RIT2: variants seen among roughly 807,000 people sequenced by gnomAD.
The protein encoded by RIT2 is GTP-binding protein Rit2.
In RIT2, 24 loss-of-function variants were observed where a neutral mutation model predicts 23.7. The observed-to-expected ratio is 1.01, with a 90% CI of 0.73 to 1.43. The LOEUF is 1.43. Ranked by LOEUF, RIT2 falls within the 40% of genes most tolerant of loss-of-function variation. The probability of loss-of-function intolerance (pLI) is 0.00; values close to 1 mark genes in which losing one functional copy is unlikely to be tolerated. For synonymous variants in RIT2, 107 were observed against 91.1 expected (o/e 1.17, Z -0.99); for missense variants, 236 against 266.9 (o/e 0.88, Z 0.81).
At chr18:42,909,120 A>G (rs918958493) in intron 4 of RIT2, among the ~76,000 whole-genome samples, 1 of 152,172 alleles carries the variant, frequency 6.6e-6, no homozygotes, top group African/African-American at 2.4e-5. Context: ...GTACATGTAC[A>G]CCATGGTATA....
chr18:42,755,081 G>A (rs140169797), intron 4 of RIT2, among the ~76,000 whole-genome samples: 1 of 152,184 alleles, frequency 6.6e-6, no homozygotes, highest in East Asian at 1.9e-4. Flanking sequence ...GCTATCACAT[G>A]AAAGGCACTT....
chr18:42,897,935 A>T (rs1441409934), intron 4 of RIT2, among the ~76,000 whole-genome samples: 1 of 152,176 alleles, frequency 6.6e-6, no homozygotes, highest in Non-Finnish European at 1.5e-5. Flanking sequence ...AAAACCAAAG[A>T]TTGTATGGTT....
chr18:43,057,913 G>T (rs1912547676), intron 1 of RIT2, among the ~76,000 whole-genome samples: 1 of 151,412 alleles, frequency 6.6e-6, no homozygotes, highest in African/African-American at 2.4e-5. Context: ...GGTGTGTCTT[G>T]CCTGGGCAAC....
At chr18:42,967,083 C>T (rs976285320) in intron 3 of RIT2, among the ~76,000 whole-genome samples, 5 of 151,914 alleles carry the variant, frequency 3.3e-5, no homozygotes, top group South Asian at 2.1e-4. Flanking sequence ...ATAAATACTC[C>T]TAATGTTTAG....
intron 1 of RIT2, among the ~76,000 whole-genome samples, chr18:43,075,557 T>G (rs1419563148): frequency 2.0e-5 from 3 of 152,226 alleles, no homozygotes; most frequent in Non-Finnish European, 4.4e-5. Flanking sequence ...TGACTTTTTA[T>G]AGAAAAATTG....
chr18:42,880,649 C>T (rs953934416), intron 4 of RIT2, among the ~76,000 whole-genome samples: 21 of 151,996 alleles, frequency 1.4e-4, no homozygotes, highest in Middle Eastern at 3.2e-3. Flanking sequence ...TCTCGTTTAT[C>T]CCTTCTCTAT....
chr18:42,825,342 G>A (rs1337874129), intron 4 of RIT2, among the ~76,000 whole-genome samples: 1 of 151,724 alleles, frequency 6.6e-6, no homozygotes, highest in East Asian at 1.9e-4. Context: ...TGTTAACCGG[G>A]AGATAGGATC....
chr18:42,837,271 C>T (rs1203814595), intron 4 of RIT2, among the ~76,000 whole-genome samples: 2 of 147,942 alleles, frequency 1.4e-5, no homozygotes, highest in Non-Finnish European at 3.0e-5. Context: ...GGGCTCACGC[C>T]ATTCTTCTGC....
At chr18:42,867,519 A>T (rs1047769012) in intron 4 of RIT2, among the ~76,000 whole-genome samples, 1 of 152,118 alleles carries the variant, frequency 6.6e-6, no homozygotes, top group Non-Finnish European at 1.5e-5. Context: ...TTGGAAGGGC[A>T]TAGAGGCTCA....
chr18:43,041,429 C>T (rs947829054), intron 1 of RIT2, among the ~76,000 whole-genome samples: 1 of 152,158 alleles, frequency 6.6e-6, no homozygotes, highest in South Asian at 2.1e-4. Context: ...TAACGGTAAG[C>T]CCTGGATACT....
At chr18:42,917,279 T>TA (rs1489866415) in intron 4 of RIT2, among the ~76,000 whole-genome samples, 1 of 152,116 alleles carries the variant, frequency 6.6e-6, no homozygotes, top group Non-Finnish European at 1.5e-5. Flanking sequence ...CATCATCTGT[T>TA]AGTTTCTGTA....
At chr18:43,085,401 G>T (rs758483870) in intron 1 of RIT2, among the ~76,000 whole-genome samples, 4 of 151,948 alleles carry the variant, frequency 2.6e-5, no homozygotes, top group African/African-American at 7.3e-5. Context: ...TACACAATAT[G>T]TTGTTATTAT....
At chr18:43,020,690 C>T (rs1036224464) in intron 2 of RIT2, among the ~76,000 whole-genome samples, 4 of 151,976 alleles carry the variant, frequency 2.6e-5, no homozygotes, top group African/African-American at 9.7e-5. Flanking sequence ...CAAAATGGAG[C>T]ACCCAGAAAG....
chr18:42,823,831 A>G (rs1299230980), intron 4 of RIT2, among the ~76,000 whole-genome samples: 3 of 152,116 alleles, frequency 2.0e-5, no homozygotes, highest in Admixed American at 2.0e-4. Context: ...AATAAATGAG[A>G]AAGAGGCAGA....
At chr18:42,776,931 A>G (rs1044132116) in intron 4 of RIT2, among the ~76,000 whole-genome samples, 2 of 152,180 alleles carry the variant, frequency 1.3e-5, no homozygotes, top group Admixed American at 6.5e-5. Flanking sequence ...TCTAGAGTAG[A>G]AGAAGAAGGA....
At chr18:43,089,086 G>C (rs1403052825) in intron 1 of RIT2, among the ~76,000 whole-genome samples, 2 of 152,064 alleles carry the variant, frequency 1.3e-5, no homozygotes, top group African/African-American at 4.8e-5. Context: ...ATTGAATGTA[G>C]TGCTGGAAAT....
Position 43,081,495 on chromosome 18 carries a change from A to G in RIT2, c.103+33922T>C, listed in dbSNP as rs566911969. On this transcript the variant is annotated intron_variant, in intron 1 of 4. Coordinates refer to ENST00000326695, the MANE Select transcript of RIT2 (RefSeq NM_002930.4). Reference sequence around the variant, plus strand: ...AGGGACAGAGAGATTTGGTAACTTCATTGTCATGCTGCTGCTAAGTCTGAC... The same window carrying G: ...AGGGACAGAGAGATTTGGTAACTTCGTTGTCATGCTGCTGCTAAGTCTGAC... Among the ~76,000 whole-genome samples the G allele has an allele frequency of 1.1e-4, 16 of 152,224 alleles. No individual in the cohort carries two copies. In the East Asian group the frequency reaches 3.1e-3, roughly 30 times the overall value.
intron 4 of RIT2, chr18:42,920,855 A>C: frequency 2.4e-6 from 2 of 845,190 alleles, no homozygotes; most frequent in Non-Finnish European, 2.0e-6. Context: ...TTGAGAGTTT[A>C]ACTTTATCAC....
At chr18:42,911,419 T>C (rs1464707973) in intron 4 of RIT2, among the ~76,000 whole-genome samples, 2 of 152,008 alleles carry the variant, frequency 1.3e-5, no homozygotes, top group Non-Finnish European at 2.9e-5. Flanking sequence ...GGTAAACTTT[T>C]AGCAAGATTG....
Sources: allele counts gnomAD v4.1 joint callset (sites outside exome capture counted in the v4.1 genomes callset), GRCh38; gene constraint gnomAD v4.1.1; transcripts MANE v1.5; gene names NCBI Gene and HGNC (gene_info 2026-07-23, HGNC 2026-07-21).